SCARB1: variants seen among roughly 807,000 people sequenced by gnomAD.
The protein encoded by SCARB1 is scavenger receptor class B member 1, also known as CD36 and LIMPII analogous 1.
SCARB1 carries 30 observed loss-of-function variants against 57.2 expected under a neutral mutation model. That is an observed-to-expected ratio of 0.52 (90% CI 0.39 to 0.71). SCARB1 has a LOEUF of 0.71. SCARB1 is among the 30% of genes least tolerant of loss of function. SCARB1 has a pLI of 0.00. For missense variants in SCARB1, 543 were observed against 671.2 expected, an observed-to-expected ratio of 0.81 and a Z score of 2.11; for synonymous variants, 249 against 268.3, an observed-to-expected ratio of 0.93 and a Z score of 0.70.
intron 1 of SCARB1, among the ~76,000 whole-genome samples, chr12:124,836,517 G>A (rs1049866783): frequency 5.3e-5 from 8 of 152,354 alleles, no homozygotes; most frequent in South Asian, 2.1e-4. Context: ...ATTAGGCTGG[G>A]TGTGGTGGCT....
Position 124,810,862 on chromosome 12 carries a change from G to A in SCARB1, c.727-573C>T, listed in dbSNP as rs867464568. On this transcript the variant is annotated intron_variant, in intron 5 of 12. Coordinates refer to ENST00000261693, the MANE Select transcript of SCARB1 (RefSeq NM_005505.5). This position sits in a 1 kb window ranked among gnomAD's most constrained non-coding sequence, Gnocchi z 4.0. ...TTGGAATATACAAGCCACAATGAATGTGAACTCCATCTATCGTGAATGGCT... is the reference window on the plus strand; with the variant it reads ...TTGGAATATACAAGCCACAATGAATATGAACTCCATCTATCGTGAATGGCT... Among the ~76,000 whole-genome samples the A allele has an allele frequency of 1.3e-5, 2 of 152,206 alleles. No homozygotes were observed. The highest frequency in any genetic ancestry group is 6.5e-5 in the Admixed American group (1 of 15,280).
In SCARB1 at chr12:124,800,091, A is replaced by C; in HGVS notation, c.1128+33T>G. The stretch of plus-strand genomic sequence containing the variant: ...GCCAGGTGTGCTCCAACCAGGAATC[A>C]CCCACCCCCCACAGAGGATGGCAGG... On this transcript the variant is annotated intron_variant, in intron 8 of 12. Coordinates refer to ENST00000261693, the MANE Select transcript of SCARB1 (RefSeq NM_005505.5). This position sits in a 1 kb window ranked among gnomAD's most constrained non-coding sequence, Gnocchi z 4.8. 6.6e-7 allele frequency: 1 copy of C among 1,517,668 alleles called. No homozygotes were observed. Among genetic ancestry groups the C allele is most frequent in the East Asian group, 2.3e-5 (1 of 44,338 alleles). 94.0% of individuals were successfully genotyped at this position (1,517,668 alleles called of 1,614,324 possible).
intron 1 of SCARB1, among the ~76,000 whole-genome samples, chr12:124,826,786 A>T (rs998805986): frequency 6.6e-6 from 1 of 152,110 alleles, no homozygotes; most frequent in Non-Finnish European, 1.5e-5. Flanking sequence ...AAGAAAAAAA[A>T]ATCTTGAGTG....
intron 1 of SCARB1, among the ~76,000 whole-genome samples, chr12:124,854,003 C>T (rs1048697959): frequency 6.6e-6 from 1 of 152,196 alleles, no homozygotes; most frequent in Non-Finnish European, 1.5e-5. Flanking sequence ...GCTTGGGTCA[C>T]GGCAACGAAT....
chr12:124,856,983 C>G (rs1365975264), intron 1 of SCARB1, among the ~76,000 whole-genome samples: 1 of 152,180 alleles, frequency 6.6e-6, no homozygotes, highest in African/African-American at 2.4e-5. Context: ...TAGGACAAAG[C>G]CTCGAAGGGA....
At chr12:124,788,517 C>T (rs1428616455) in intron 9 of SCARB1, among the ~76,000 whole-genome samples, 7 of 152,124 alleles carry the variant, frequency 4.6e-5, no homozygotes, top group African/African-American at 4.8e-5. Flanking sequence ...ATGCCTGAAA[C>T]GCAGATGCAA....
intron 1 of SCARB1, among the ~76,000 whole-genome samples, chr12:124,854,572 G>T (rs1052127187): frequency 3.3e-5 from 5 of 152,192 alleles, no homozygotes; most frequent in African/African-American, 1.2e-4. Flanking sequence ...TGGGGGAGAG[G>T]TGATGGTGCC....
intron 1 of SCARB1, among the ~76,000 whole-genome samples, chr12:124,860,732 G>A (rs1169077943): frequency 1.3e-5 from 2 of 152,192 alleles, no homozygotes; most frequent in Non-Finnish European, 2.9e-5. Flanking sequence ...TCGGGATATC[G>A]CTGTCATTTG....
At position 124,801,879 on chromosome 12, in the gene SCARB1, G is replaced by T. The variant is rs185576591; in HGVS notation, c.1010-1637C>A. 1.1e-4 allele frequency among the ~76,000 whole-genome samples: 16 copies of T among 150,734 alleles called. 1 individual carries two copies. In the East Asian group the frequency reaches 3.2e-3, roughly 30 times the overall value. ...TAAAATAAAATAAAGGGCCGGGCGC[G>T]GTGGCTCACGCCTGTAATCCCAGCA... On this transcript the variant is annotated intron_variant, in intron 7 of 12. Coordinates refer to ENST00000261693, the MANE Select transcript of SCARB1 (RefSeq NM_005505.5).
intron 1 of SCARB1, among the ~76,000 whole-genome samples, chr12:124,852,794 A>T (rs571282392): frequency 6.6e-6 from 1 of 152,234 alleles, no homozygotes; most frequent in Non-Finnish European, 1.5e-5. Flanking sequence ...TAATCCAAGC[A>T]CTTTGGGAAG....
rs112966238 is a variant in SCARB1 at position 124,834,121 on chromosome 12, T to C, written c.127-16414A>G. Among the ~76,000 whole-genome samples the C allele has an allele frequency of 1.6e-3, 241 of 152,238 alleles. 1 individual carries two copies. Among genetic ancestry groups the C allele is most frequent in the African/African-American group, 5.4e-3 (226 of 41,546 alleles). On this transcript the variant is annotated intron_variant, in intron 1 of 12. Transcript: ENST00000261693. ...TAAGCCAGCTTCATCCTCAGCCACA[T>C]GGGAGGAAGAATGCAGGCAACAGCC...
In SCARB1 at chr12:124,817,653, T is replaced by C; in HGVS notation, c.181A>G (p.Ile61Val). ...LSFNMWKEIP[I>V]PFYLSVYFFD... ...AAGTAGACGGAGAGATAGAAGGGGA[T>C]AGGGATCTCCTTCCACATGTTGAAG... The change falls in exon 2 of 13, where the codon ATC (isoleucine) becomes GTC (valine). Residue 61 changes from isoleucine (I) to valine (V), a missense_variant. Ile to Val is a conservative substitution (Grantham distance 29). Transcript: ENST00000261693. The surrounding 1 kb of genome is among the most constrained non-coding windows in gnomAD (Gnocchi z 4.8). 5 of 1,614,118 alleles carry C rather than the reference T, an allele frequency of 3.1e-6. No individual in the cohort carries two copies. Among genetic ancestry groups the C allele is most frequent in the Non-Finnish European group, 4.2e-6 (5 of 1,179,986 alleles).
chr12:124,863,556 G>A, intron 1 of SCARB1, 39 bp downstream of exon 1: 2 of 1,588,778 alleles, frequency 1.3e-6, no homozygotes, highest in Admixed American at 1.7e-5. Context: ...CCAACAGCCC[G>A]GGTCCGTGCG....
rs983243271 is a variant in SCARB1 at position 124,817,803 on chromosome 12, G to A, written c.127-96C>T. The stretch of plus-strand genomic sequence containing the variant: ...GAACAGCTGCCCGAGCCCGGCCAGG[G>A]AAGGGGCTCCTCGGCGGGAGCTTGG... On this transcript the variant is annotated intron_variant, in intron 1 of 12. Coordinates refer to ENST00000261693, the MANE Select transcript of SCARB1 (RefSeq NM_005505.5). This position sits in a 1 kb window ranked among gnomAD's most constrained non-coding sequence, Gnocchi z 4.8. 27 of 1,359,662 alleles carry A rather than the reference G, an allele frequency of 2.0e-5. No individual in the cohort carries two copies. The highest frequency in any genetic ancestry group is 5.7e-5 in the African/African-American group (4 of 69,872). The allele number at this position is 1,359,662 out of a possible 1,614,324, so 84.2% of individuals were successfully genotyped here.
chr12:124,786,937 G>A (rs950662246), intron 10 of SCARB1, among the ~76,000 whole-genome samples: 23 of 152,280 alleles, frequency 1.5e-4, no homozygotes, highest in Admixed American at 1.5e-3. Context: ...GTTTGTCCTG[G>A]CCATTAGCTA....
At chr12:124,779,999 G>C (rs567490215) in intron 12 of SCARB1, among the ~76,000 whole-genome samples, 2 of 152,312 alleles carry the variant, frequency 1.3e-5, no homozygotes, top group East Asian at 3.9e-4. Context: ...TCACTCAGAA[G>C]TAGAAAGGGG....
chr12:124,842,431 C>T (rs1278949577), intron 1 of SCARB1, among the ~76,000 whole-genome samples: 1 of 152,282 alleles, frequency 6.6e-6, no homozygotes, highest in African/African-American at 2.4e-5. Context: ...CCCCACACAC[C>T]TCCCAGGGTG....
At position 124,789,146 on chromosome 12, in the gene SCARB1, C is replaced by A. The variant is rs1949632839; in HGVS notation, c.1203-1689G>T. Among the ~76,000 whole-genome samples the A allele has an allele frequency of 6.6e-6, 1 of 152,172 alleles. No individual in the cohort carries two copies. ...TACTGCAGAAACGTCACAGGCATGA[C>A]CTCATCCAGGCTATCAAGGTCGACA... On this transcript the variant is annotated intron_variant, in intron 9 of 12. Transcript: ENST00000261693. This position sits in a 1 kb window ranked among gnomAD's most constrained non-coding sequence, Gnocchi z 4.4.
chr12:124,816,091 C>G (rs1377705152), intron 2 of SCARB1, among the ~76,000 whole-genome samples: 1 of 152,170 alleles, frequency 6.6e-6, no homozygotes, highest in Admixed American at 6.5e-5. Flanking sequence ...GGGCCTCTTC[C>G]CACCATGCGG....
Sources: gnomAD v4.1 joint callset for allele counts (sites outside exome capture counted in the v4.1 genomes callset) on GRCh38, gnomAD v4.1.1 for gene constraint, Gnocchi (gnomAD v3.1) non-coding constraint, MANE v1.5 for transcripts, NCBI Gene and HGNC (gene_info 2026-07-23, HGNC 2026-07-21) for gene names.